SYNE1: variants seen among roughly 807,000 people sequenced by gnomAD.
SYNE1 encodes spectrin repeat containing nuclear envelope protein 1.
In SYNE1, 616 loss-of-function variants were observed where a neutral mutation model predicts 1,111.0. The ratio of observed to expected loss-of-function variants is 0.55; its 90% confidence interval spans 0.52 to 0.59. The LOEUF (loss-of-function observed/expected upper bound fraction) is 0.59, where lower values mean the gene tolerates loss of function less well. SYNE1 is among the 20% of genes least tolerant of loss of function. The pLI is 0.00. For synonymous variants in SYNE1, 3,855 were observed against 3,825.8 expected (o/e 1.01, Z -0.28); for missense variants, 10,006 against 10,417.0 (o/e 0.96, Z 1.72).
chr6:152,226,304 T>C (rs190054197), intron 115 of SYNE1, among the ~76,000 whole-genome samples: 2 of 125,850 alleles, frequency 1.6e-5, no homozygotes, highest in Non-Finnish European at 3.4e-5. Flanking sequence ...TGAGATTTAG[T>C]CACATTTCTA....
At chr6:152,511,891 T>C (rs997836724) in intron 6 of SYNE1, among the ~76,000 whole-genome samples, 3 of 152,174 alleles carry the variant, frequency 2.0e-5, no homozygotes, top group Non-Finnish European at 2.9e-5. Flanking sequence ...GTTTGCTAAG[T>C]CCCAACAAAA....
intron 91 of SYNE1, among the ~76,000 whole-genome samples, chr6:152,306,486 A>AT (rs2095379320): frequency 4.1e-5 from 4 of 97,564 alleles, no homozygotes; most frequent in South Asian, 6.4e-4. Context: ...ACTCCATCTA[A>AT]AAAATAAATA....
Position 152,385,765 on chromosome 6 carries a change from T to C in SYNE1, c.8561A>G (p.Asp2854Gly). 2 of 1,614,140 alleles carry C rather than the reference T, an allele frequency of 1.2e-6. No individual in the cohort carries two copies. The highest frequency in any genetic ancestry group is 1.7e-6 in the Non-Finnish European group (2 of 1,179,990). Reference protein sequence around the residue: ...MYLDAVHEFTDWLHSAKEELH... With the variant: ...MYLDAVHEFTGWLHSAKEELH... ...TTCTTCCTTTGCTGAATGGAGCCAATCTGTGAACTCGTGGACCGCATCTAA... is the reference window on the plus strand; with the variant it reads ...TTCTTCCTTTGCTGAATGGAGCCAACCTGTGAACTCGTGGACCGCATCTAA... The change falls in exon 55 of 146, where the codon GAT (aspartate) becomes GGT (glycine). Residue 2854 changes from aspartate to glycine, a missense_variant. By Grantham distance (94) the Asp-to-Gly change is moderately conservative. Coordinates refer to ENST00000367255, the MANE Select transcript of SYNE1 (RefSeq NM_182961.4).
In SYNE1 at chr6:152,325,330, G is replaced by C. The variant is rs371451504; in HGVS notation, c.15439-28C>G. 2.6e-5 allele frequency: 42 copies of C among 1,604,938 alleles called. No individual in the cohort carries two copies. The African/African-American group carries it at 3.5e-4, about 13-fold the overall frequency. On this transcript the variant is annotated intron_variant, in intron 80 of 145. Coordinates refer to ENST00000367255, the MANE Select transcript of SYNE1 (RefSeq NM_182961.4). ...AGGGTTGGGGGTGGAGGACGGAAGA[G>C]AGGAGACAAGGGAGAGATCAATTTA... is the stretch of plus-strand genomic sequence containing the variant.
chr6:152,278,416 C>A (rs1241592126), intron 97 of SYNE1, 136 bp from the exon 98 acceptor site: 2 of 943,642 alleles, frequency 2.1e-6, no homozygotes, highest in African/African-American at 1.6e-5. Flanking sequence ...AGTTTTCCCA[C>A]GGCCTTGACG....
chr6:152,597,028 C>T (rs186570090), intron 3 of SYNE1, among the ~76,000 whole-genome samples: 27 of 152,258 alleles, frequency 1.8e-4, no homozygotes, highest in Admixed American at 1.1e-3. Flanking sequence ...CACTCTTACC[C>T]TCTTCTCCAA....
At chr6:152,350,798 C>T in intron 70 of SYNE1, 28 bp from the exon 71 acceptor site, 1 of 1,613,708 alleles carries the variant, frequency 6.2e-7, no homozygotes. Flanking sequence ...AAAAAATGAG[C>T]CTGCTCATCT....
chr6:152,178,077 A>G (rs908818220), intron 129 of SYNE1, among the ~76,000 whole-genome samples: 1 of 152,224 alleles, frequency 6.6e-6, no homozygotes, highest in Non-Finnish European at 1.5e-5. Context: ...TATACGAGGT[A>G]GTATAGTTAA....
Position 152,325,976 on chromosome 6 carries a change from T to C in SYNE1, c.15420A>G (p.Glu5140=). ...LKTSSSHEAE[E]KLSEHKALVS... The stretch of plus-strand genomic sequence containing the variant: ...CTCTGACCTTGTGTTCTGACAATTT[T>C]TCTTCCGCTTCATGACTAGACGAAG... The change falls in exon 80 of 146, where the codon GAA becomes GAG. Residue 5140 remains glutamate (E), a synonymous_variant. Coordinates refer to ENST00000367255, the MANE Select transcript of SYNE1 (RefSeq NM_182961.4). 1 of 1,614,212 alleles carries C rather than the reference T, an allele frequency of 6.2e-7. No homozygotes were observed. Among genetic ancestry groups the C allele is most frequent in the African/African-American group, 1.3e-5 (1 of 75,060 alleles).
Position 152,459,069 on chromosome 6 carries a change from A to G in SYNE1, c.2395-139T>C, listed in dbSNP as rs2098715038. The G allele has an allele frequency of 3.7e-6, 3 of 811,738 alleles. No homozygotes were observed. The highest frequency in any genetic ancestry group is 2.2e-5 in the Admixed American group (1 of 45,722). 50.3% of individuals were successfully genotyped at this position (811,738 alleles called of 1,614,324 possible). ...ACAAATATCCAAAGACATTTCTTTAATGATATTTCCTCTATATTGTCAAAT... is the reference window on the plus strand; with the variant it reads ...ACAAATATCCAAAGACATTTCTTTAGTGATATTTCCTCTATATTGTCAAAT... On this transcript the variant is annotated intron_variant, in intron 21 of 145. Transcript: ENST00000367255.
chr6:152,514,957 C>G (rs562501342), intron 6 of SYNE1, among the ~76,000 whole-genome samples: 2 of 152,144 alleles, frequency 1.3e-5, no homozygotes, highest in Admixed American at 1.3e-4. Flanking sequence ...CGTGGTGGCT[C>G]ACACCTGTAA....
intron 145 of SYNE1, among the ~76,000 whole-genome samples, chr6:152,124,309 A>T (rs1262130828): frequency 7.0e-6 from 1 of 142,586 alleles, no homozygotes; most frequent in Non-Finnish European, 1.5e-5. Flanking sequence ...ACTCTATCTC[A>T]AAAACAGATA....
At chr6:152,422,114 T>C (rs1023300344) in intron 39 of SYNE1, among the ~76,000 whole-genome samples, 21 of 152,200 alleles carry the variant, frequency 1.4e-4, no homozygotes, top group African/African-American at 4.8e-4. Context: ...ATGTATTGAC[T>C]TCTCAGAAAA....
chr6:152,202,776 A>T (rs868403349), intron 126 of SYNE1, among the ~76,000 whole-genome samples: 23 of 149,028 alleles, frequency 1.5e-4, no homozygotes, highest in South Asian at 2.1e-4. Context: ...TAAGGGATTT[A>T]AAAAAAAAAG....
intron 2 of SYNE1, among the ~76,000 whole-genome samples, chr6:152,633,294 T>C (rs1057286751): frequency 9.9e-5 from 15 of 152,150 alleles, no homozygotes; most frequent in African/African-American, 3.4e-4. Flanking sequence ...GGAACTAAGA[T>C]TATGATGCAG....
intron 15 of SYNE1, 93 bp from the exon 16 acceptor site, chr6:152,471,858 T>G: frequency 7.8e-7 from 1 of 1,274,494 alleles, no homozygotes; most frequent in Non-Finnish European, 1.1e-6. Context: ...TTAAATAGAA[T>G]GCAGCCACAA....
intron 3 of SYNE1, 126 bp from the exon 4 acceptor site, chr6:152,540,147 A>G: frequency 1.0e-6 from 1 of 952,446 alleles, no homozygotes. Flanking sequence ...TTTACCAATT[A>G]TTGTCTTGAA....
At chr6:152,274,713 C>T (rs1303696800) in intron 98 of SYNE1, among the ~76,000 whole-genome samples, 1 of 152,140 alleles carries the variant, frequency 6.6e-6, no homozygotes, top group African/African-American at 2.4e-5. Flanking sequence ...TCTCCTGCCT[C>T]AGCCTCCTGA....
chr6:152,337,598 T>TA (rs1350987584), intron 75 of SYNE1, among the ~76,000 whole-genome samples: 4 of 152,160 alleles, frequency 2.6e-5, no homozygotes, highest in Non-Finnish European at 5.9e-5. Context: ...GAAACTCTAA[T>TA]AAGTTTTATC....
Sources: gnomAD v4.1 joint callset for allele counts (sites outside exome capture counted in the v4.1 genomes callset) on GRCh38, gnomAD v4.1.1 for gene constraint, MANE v1.5 for transcripts, NCBI Gene and HGNC (gene_info 2026-07-23, HGNC 2026-07-21) for gene names.